Variants in ROBO2 observed in about 807,000 individuals in gnomAD.
ROBO2 encodes the protein roundabout guidance receptor 2.
Under a neutral mutation model 160.8 loss-of-function variants are expected in ROBO2, and 53 were observed. The ratio of observed to expected loss-of-function variants is 0.33; its 90% confidence interval spans 0.26 to 0.41. ROBO2 has a LOEUF of 0.41. ROBO2 is among the 10% of genes least tolerant of loss of function. The probability of loss-of-function intolerance (pLI) is 1.00; values close to 1 mark genes in which losing one functional copy is unlikely to be tolerated. For synonymous variants in ROBO2, 664 were observed against 611.7 expected, an observed-to-expected ratio of 1.09 and a Z score of -1.26; for missense variants, 1,577 against 1,722.4, an observed-to-expected ratio of 0.92 and a Z score of 1.49.
chr3:76,746,000 C>T (rs1418420287), intron 2 of ROBO2, among the ~76,000 whole-genome samples: 1 of 114,374 alleles, frequency 8.7e-6, no homozygotes, highest in Non-Finnish European at 1.7e-5. Context: ...CACCCCAAAA[C>T]AGTCCCCAGA....
chr3:77,232,368 T>G (rs987075663), intron 2 of ROBO2, among the ~76,000 whole-genome samples: 9 of 152,106 alleles, frequency 5.9e-5, no homozygotes, highest in African/African-American at 1.4e-4. Flanking sequence ...TAGAGGCTGT[T>G]CTATAAAGTC....
intron 2 of ROBO2, among the ~76,000 whole-genome samples, chr3:76,023,900 C>G (rs930354170): frequency 2.6e-5 from 4 of 151,176 alleles, no homozygotes; most frequent in Non-Finnish European, 5.9e-5. Flanking sequence ...CTCCAGGTTA[C>G]AGAGAAAAAA....
intron 2 of ROBO2, among the ~76,000 whole-genome samples, chr3:77,296,945 T>C (rs2062196347): frequency 6.6e-6 from 1 of 152,194 alleles, no homozygotes; most frequent in Non-Finnish European, 1.5e-5. Context: ...AAGTGTTGAC[T>C]GCTTTTCTCG....
At chr3:76,413,371 C>T (rs2075595031) in intron 2 of ROBO2, among the ~76,000 whole-genome samples, 1 of 152,202 alleles carries the variant, frequency 6.6e-6, no homozygotes, top group African/African-American at 2.4e-5. Flanking sequence ...TTGAATTTCT[C>T]CCCAGAAAAT....
chr3:76,268,883 A>T (rs1474433138), intron 2 of ROBO2, among the ~76,000 whole-genome samples: 1 of 152,096 alleles, frequency 6.6e-6, no homozygotes, highest in Non-Finnish European at 1.5e-5. Context: ...GACACATATA[A>T]AATGTTCACA....
At chr3:76,074,968 C>G (rs2068595410) in intron 2 of ROBO2, among the ~76,000 whole-genome samples, 1 of 152,066 alleles carries the variant, frequency 6.6e-6, no homozygotes. Context: ...TTCATATTCA[C>G]TAGAAACATA....
intron 6 of ROBO2, among the ~76,000 whole-genome samples, chr3:77,535,842 G>A (rs904221141): frequency 1.3e-5 from 2 of 152,110 alleles, no homozygotes. Context: ...CTTGCATGGC[G>A]AATCTCATAA....
intron 2 of ROBO2, among the ~76,000 whole-genome samples, chr3:75,977,860 G>A (rs745472235): frequency 2.0e-5 from 3 of 151,310 alleles, no homozygotes; most frequent in African/African-American, 4.8e-5. Context: ...CTTGTATAAC[G>A]CATGAACAAT....
At chr3:76,928,341 A>G (rs1464118486) in intron 2 of ROBO2, among the ~76,000 whole-genome samples, 1 of 152,140 alleles carries the variant, frequency 6.6e-6, no homozygotes, top group Non-Finnish European at 1.5e-5. Context: ...GCCTAGTAGT[A>G]TCTGTGTGAG....
chr3:76,231,325 T>C (rs1704608939), intron 2 of ROBO2, among the ~76,000 whole-genome samples: 1 of 152,180 alleles, frequency 6.6e-6, no homozygotes, highest in Non-Finnish European at 1.5e-5. Context: ...ATGATGATGC[T>C]TCTGTTAATC....
chr3:76,902,247 T>C (rs2075290725), intron 2 of ROBO2, among the ~76,000 whole-genome samples: 1 of 152,052 alleles, frequency 6.6e-6, no homozygotes, highest in Non-Finnish European at 1.5e-5. Flanking sequence ...GTTTGCATTA[T>C]TCAGCGTTTT....
intron 2 of ROBO2, among the ~76,000 whole-genome samples, chr3:77,350,494 A>G (rs898376221): frequency 3.9e-5 from 6 of 152,252 alleles, no homozygotes; most frequent in Non-Finnish European, 5.9e-5. Context: ...AACAAAATCA[A>G]CCACTCCAGA....
chr3:77,070,846 T>G (rs2067334371), intron 1 of ROBO2, among the ~76,000 whole-genome samples: 1 of 151,742 alleles, frequency 6.6e-6, no homozygotes, highest in Non-Finnish European at 1.5e-5. Context: ...GGGGAAAGAG[T>G]AGAAACAAGG....
At chr3:76,395,432 C>G (rs1180007706) in intron 2 of ROBO2, among the ~76,000 whole-genome samples, 1 of 136,900 alleles carries the variant, frequency 7.3e-6, no homozygotes, top group African/African-American at 2.9e-5. Context: ...AAAGCAAGAG[C>G]AAACATATTC....
intron 2 of ROBO2, among the ~76,000 whole-genome samples, chr3:75,940,656 A>T (rs1367554569): frequency 6.6e-6 from 1 of 152,176 alleles, no homozygotes; most frequent in Non-Finnish European, 1.5e-5. Context: ...TATACCTACA[A>T]TGGAAATAAA....
intron 2 of ROBO2, among the ~76,000 whole-genome samples, chr3:77,150,854 T>C (rs1022443876): frequency 1.3e-5 from 2 of 152,046 alleles, no homozygotes; most frequent in Non-Finnish European, 2.9e-5. Flanking sequence ...TATGACAGAA[T>C]GTTATAGGGA....
rs144214603 is a variant in ROBO2 at position 77,003,623 on chromosome 3, C to T, written c.110-94391C>T. On this transcript the variant is annotated intron_variant, in intron 2 of 26. Coordinates refer to the ROBO2 transcript ENST00000487694. Reference sequence around the variant, plus strand: ...TCACTCAGGCTGGAGGGCAATGGTGCGATATCGGCTCACTGCAAGCTCCGC... The same window carrying T: ...TCACTCAGGCTGGAGGGCAATGGTGTGATATCGGCTCACTGCAAGCTCCGC... Among the ~76,000 whole-genome samples the T allele has an allele frequency of 1.1e-3, 169 of 152,174 alleles. 2 individuals carry two copies. Among genetic ancestry groups the T allele is most frequent in the African/African-American group, 3.9e-3 (161 of 41,512 alleles).
Position 76,948,740 on chromosome 3 carries a change from C to T in ROBO2, c.110-149274C>T, listed in dbSNP as rs1408407926. ...TTTTTTTTTTGAGATGGAGTCTCAT[C>T]CTGTTGCCAGGCTGGAGTGCAGTGG... is the stretch of plus-strand genomic sequence containing the variant. On this transcript the variant is annotated intron_variant, in intron 2 of 26. Transcript: ENST00000487694. Among the ~76,000 whole-genome samples the T allele has an allele frequency of 3.3e-4, 48 of 143,972 alleles. 1 individual carries two copies. The Middle Eastern group carries it at 0.011, about 33-fold the overall frequency. The allele number at this position is 143,972 out of a possible 152,430, so 94.5% of individuals were successfully genotyped here. A position where few individuals can be genotyped will look rare whatever the true frequency, so the allele number is the denominator to read the frequency against.
chr3:77,570,989 G>C (rs562822357), intron 13 of ROBO2, among the ~76,000 whole-genome samples: 18 of 152,122 alleles, frequency 1.2e-4, no homozygotes, highest in African/African-American at 4.1e-4. Flanking sequence ...TTTAGAATGA[G>C]TGTGGGCAAA....
Sources: gnomAD v4.1 joint callset for allele counts (sites outside exome capture counted in the v4.1 genomes callset) on GRCh38, gnomAD v4.1.1 for gene constraint, MANE v1.5 for transcripts, NCBI Gene and HGNC (gene_info 2026-07-23, HGNC 2026-07-21) for gene names.